The following CTNNA3 variants were observed in gnomAD, a reference collection of about 807,000 sequenced individuals.
The protein encoded by CTNNA3 is catenin alpha-3.
A neutral mutation model predicts 95.7 loss-of-function variants in CTNNA3; 76 were observed. That is an observed-to-expected ratio of 0.79 (90% CI 0.66 to 0.96). CTNNA3 has a LOEUF of 0.96. Among genes scored for constraint, CTNNA3 ranks in the 40% least tolerant of loss-of-function variants. CTNNA3 has a pLI of 0.00. For missense variants in CTNNA3, 1,191 were observed against 1,089.8 expected (o/e 1.09, Z -1.31); for synonymous variants, 431 against 374.4 (o/e 1.15, Z -1.74).
chr10:67,326,017 A>C (rs1170564386), intron 5 of CTNNA3, among the ~76,000 whole-genome samples: 1 of 152,116 alleles, frequency 6.6e-6, no homozygotes, highest in African/African-American at 2.4e-5. Flanking sequence ...GGCTGGCTTA[A>C]CATCTGTTTT....
intron 13 of CTNNA3, among the ~76,000 whole-genome samples, chr10:66,138,133 T>C (rs1206310588): frequency 6.6e-6 from 1 of 152,044 alleles, no homozygotes; most frequent in Non-Finnish European, 1.5e-5. Flanking sequence ...GAAATAATAA[T>C]AAACCCAAAT....
At chr10:66,985,683 T>C (rs1407340075) in intron 7 of CTNNA3, among the ~76,000 whole-genome samples, 1 of 152,088 alleles carries the variant, frequency 6.6e-6, no homozygotes, top group Non-Finnish European at 1.5e-5. Flanking sequence ...CCCAATCCCA[T>C]TGCCCCTAGT....
chr10:66,222,760 AAAG>A (rs1476152191), intron 13 of CTNNA3, among the ~76,000 whole-genome samples: 1 of 151,852 alleles, frequency 6.6e-6, no homozygotes, highest in Non-Finnish European at 1.5e-5. Flanking sequence ...AAGGAAAAGA[AAAG>A]AAAAGAGAAA....
intron 7 of CTNNA3, among the ~76,000 whole-genome samples, chr10:67,153,012 G>A (rs1334889759): frequency 1.3e-5 from 2 of 151,054 alleles, no homozygotes; most frequent in Non-Finnish European, 2.9e-5. Flanking sequence ...GTCTTTCCCT[G>A]TTGCCCAGGA....
At chr10:67,008,446 T>G (rs1385815189) in intron 7 of CTNNA3, among the ~76,000 whole-genome samples, 2 of 152,184 alleles carry the variant, frequency 1.3e-5, no homozygotes, top group South Asian at 2.1e-4. Flanking sequence ...AGGCTGAAAT[T>G]CACTACAGCT....
intron 1 of CTNNA3, among the ~76,000 whole-genome samples, chr10:67,735,060 G>A (rs1841294822): frequency 6.6e-6 from 1 of 151,404 alleles, no homozygotes; most frequent in Non-Finnish European, 1.5e-5. Context: ...CCTCGACACT[G>A]ACACAGTAGG....
intron 5 of CTNNA3, among the ~76,000 whole-genome samples, chr10:67,441,912 A>G (rs1413888249): frequency 1.3e-5 from 2 of 152,170 alleles, no homozygotes; most frequent in African/African-American, 2.4e-5. Flanking sequence ...GACTATTACA[A>G]TGTTGTAATT....
intron 7 of CTNNA3, among the ~76,000 whole-genome samples, chr10:67,155,047 T>G (rs556355694): frequency 1.3e-5 from 2 of 152,354 alleles, no homozygotes; most frequent in African/African-American, 4.8e-5. Context: ...TGTATATTTC[T>G]TTCATTTCTA....
At chr10:67,751,048 G>A in intron 1 of CTNNA3, 1 of 1,510,880 alleles carries the variant, frequency 6.6e-7, no homozygotes, top group Non-Finnish European at 9.2e-7. Flanking sequence ...CATATCCAGA[G>A]GAATGTGACT....
intron 12 of CTNNA3, among the ~76,000 whole-genome samples, chr10:66,301,479 T>C (rs1589053147): frequency 6.6e-6 from 1 of 151,844 alleles, no homozygotes; most frequent in African/African-American, 2.4e-5. Context: ...ACTAATTCTT[T>C]TAGTATATAA....
chr10:66,238,836 T>C (rs2089983453), intron 13 of CTNNA3, among the ~76,000 whole-genome samples: 1 of 151,966 alleles, frequency 6.6e-6, no homozygotes, highest in African/African-American at 2.4e-5. Flanking sequence ...TGGATAATTT[T>C]TAAGAAAAAT....
At chr10:67,566,425 C>T (rs1841806493) in intron 3 of CTNNA3, among the ~76,000 whole-genome samples, 3 of 151,922 alleles carry the variant, frequency 2.0e-5, no homozygotes, top group Non-Finnish European at 2.9e-5. Flanking sequence ...AAAAAATGCT[C>T]ATCATCACTG....
intron 15 of CTNNA3, among the ~76,000 whole-genome samples, chr10:66,030,353 G>A (rs764624197): frequency 6.6e-6 from 1 of 152,084 alleles, no homozygotes; most frequent in Admixed American, 6.5e-5. Context: ...GCATGCTACT[G>A]GTACAAAAAC....
At chr10:66,114,210 G>C (rs1822206063) in intron 13 of CTNNA3, among the ~76,000 whole-genome samples, 1 of 151,886 alleles carries the variant, frequency 6.6e-6, no homozygotes, top group African/African-American at 2.4e-5. Context: ...CTTATCCTTA[G>C]ACTAGACAGT....
intron 7 of CTNNA3, among the ~76,000 whole-genome samples, chr10:67,063,419 TAAA>T (rs1211165717): frequency 6.6e-6 from 1 of 152,142 alleles, no homozygotes. Context: ...AATCAGGAGT[TAAA>T]TTCATTAAAG....
chr10:66,426,058 G>C (rs1380437548), intron 11 of CTNNA3, among the ~76,000 whole-genome samples: 1 of 152,048 alleles, frequency 6.6e-6, no homozygotes, highest in Non-Finnish European at 1.5e-5. Context: ...TCATATGACT[G>C]TTTCATTCAT....
intron 1 of CTNNA3, among the ~76,000 whole-genome samples, chr10:67,672,862 T>G (rs1300784888): frequency 1.3e-5 from 2 of 152,212 alleles, no homozygotes; most frequent in Non-Finnish European, 2.9e-5. Context: ...TGGTTCCATA[T>G]GAACTTTAAA....
At chr10:66,492,815 G>C (rs1489251772) in intron 11 of CTNNA3, among the ~76,000 whole-genome samples, 2 of 152,096 alleles carry the variant, frequency 1.3e-5, no homozygotes, top group African/African-American at 4.8e-5. Flanking sequence ...ATTCCCTTAA[G>C]CATAGTTATT....
chr10:66,172,376 C>A (rs1413150698), intron 13 of CTNNA3, among the ~76,000 whole-genome samples: 3 of 152,108 alleles, frequency 2.0e-5, no homozygotes, highest in Non-Finnish European at 4.4e-5. Context: ...TCAATTAACT[C>A]TCTGCCTGTA....
Sources: allele counts gnomAD v4.1 joint callset (sites outside exome capture counted in the v4.1 genomes callset), GRCh38; gene constraint gnomAD v4.1.1; transcripts MANE v1.5; gene names NCBI Gene and HGNC (gene_info 2026-07-23, HGNC 2026-07-21).